The following PIKFYVE variants were observed in gnomAD, a reference collection of about 807,000 sequenced individuals.
PIKFYVE encodes 1-phosphatidylinositol 3-phosphate 5-kinase.
PIKFYVE carries 122 observed loss-of-function variants against 257.9 expected under a neutral mutation model. That is an observed-to-expected ratio of 0.47 (90% CI 0.41 to 0.55). The LOEUF (loss-of-function observed/expected upper bound fraction) is 0.55. Ranked by LOEUF, PIKFYVE falls within the 20% of genes least tolerant of loss-of-function variation. The pLI, the probability that PIKFYVE is intolerant of heterozygous loss-of-function variation, is 0.00. For missense variants in PIKFYVE, 2,160 were observed against 2,536.6 expected (o/e 0.85, Z 3.19); for synonymous variants, 892 against 868.9 (o/e 1.03, Z -0.47).
chr2:208,340,103 A>G lies in PIKFYVE; in HGVS notation c.4903A>G (p.Asn1635Asp). The G allele has an allele frequency of 6.2e-7, 1 of 1,614,008 alleles. No individual in the cohort carries two copies. The highest frequency in any genetic ancestry group is 8.5e-7 in the Non-Finnish European group (1 of 1,179,902). Residue 1635 changes from asparagine to aspartate, a missense_variant, in exon 31 of 42, where the codon AAT (asparagine) becomes GAT (aspartate). This residue lies in a region of PIKFYVE where 699 missense variants were observed against 855.8 expected (regional missense o/e 0.82). Coordinates refer to ENST00000264380, the MANE Select transcript of PIKFYVE (RefSeq NM_015040.4). The part of the protein sequence containing the change: ...KAIFANLLPG[N>D]SYNPIPFPFD... ...CATCTTTGCAAATTTGCTTCCAGGAAATAGCTATAATCCTATTCCATTTCC... is the reference window on the plus strand; with the variant it reads ...CATCTTTGCAAATTTGCTTCCAGGAGATAGCTATAATCCTATTCCATTTCC...
rs776823209 is a variant in PIKFYVE at position 208,339,401 on chromosome 2, A to T, written c.4673-17A>T. The T allele has an allele frequency of 1.2e-6, 2 of 1,613,636 alleles. No homozygotes were observed. The highest frequency in any genetic ancestry group is 2.2e-5 in the South Asian group (2 of 91,060). On this transcript the variant is annotated splice_polypyrimidine_tract_variant and intron_variant, in intron 29 of 41. Coordinates refer to ENST00000264380, the MANE Select transcript of PIKFYVE (RefSeq NM_015040.4). ...AATGTATGTAAATGACTCATTTAAG[A>T]TTGTGTTTTTCTTTAGAGGATCGCT... is the stretch of plus-strand genomic sequence containing the variant.
chr2:208,334,905 T>C (rs1040505254), intron 24 of PIKFYVE, among the ~76,000 whole-genome samples: 4 of 152,098 alleles, frequency 2.6e-5, no homozygotes, highest in African/African-American at 9.7e-5. Context: ...CATTTATTAG[T>C]CGATATAAAC....
At chr2:208,305,635 T>C (rs1406353985) in intron 12 of PIKFYVE, 1 of 358,928 alleles carries the variant, frequency 2.8e-6, no homozygotes, top group African/African-American at 2.2e-5. Flanking sequence ...AGATATTTGG[T>C]GTAAAAGGAG....
chr2:208,315,525 A>T, intron 15 of PIKFYVE, 152 bp downstream of exon 15: 1 of 738,430 alleles, frequency 1.4e-6, no homozygotes, highest in Non-Finnish European at 2.3e-6. Context: ...TTAGCAGCGC[A>T]CTTAGGAGTC....
chr2:208,313,673 C>T (rs1695172166), intron 13 of PIKFYVE, among the ~76,000 whole-genome samples: 1 of 151,222 alleles, frequency 6.6e-6, no homozygotes, highest in Non-Finnish European at 1.5e-5. Flanking sequence ...ATCTCTGCCT[C>T]CTAGGTTCAA....
At position 208,301,640 on chromosome 2, in the gene PIKFYVE, C is replaced by T. The variant is rs1184141670; in HGVS notation, c.1208+546C>T. On this transcript the variant is annotated intron_variant, in intron 9 of 41. Coordinates refer to ENST00000264380, the MANE Select transcript of PIKFYVE (RefSeq NM_015040.4). The stretch of plus-strand genomic sequence containing the variant: ...GAGAAATAGCTTTAAGCAGTAAAGC[C>T]CTGGTTGCAATTTTGGCTGTATATA... Among the ~76,000 whole-genome samples the T allele has an allele frequency of 2.6e-5, 4 of 152,200 alleles. No individual in the cohort carries two copies. In the East Asian group the frequency reaches 7.7e-4, roughly 29 times the overall value.
In PIKFYVE at chr2:208,314,374, G is replaced by C; in HGVS notation, c.1777G>C (p.Glu593Gln). ...TPLGWHHNNLELLREENGEKQ... is the reference protein window; with the variant it reads ...TPLGWHHNNLQLLREENGEKQ... ...TTTGGGCTGGCATCATAACAACCTG[G>C]AGCTCCTGAGGGAGGAGAATGGGGA... Residue 593 changes from glutamate to glutamine, a missense_variant, in exon 14 of 42, where the codon GAG (glutamate) becomes CAG (glutamine). By Grantham distance (29) the Glu-to-Gln change is conservative. Coordinates refer to ENST00000264380, the MANE Select transcript of PIKFYVE (RefSeq NM_015040.4). 1 of 1,613,990 alleles carries C rather than the reference G, an allele frequency of 6.2e-7. No individual in the cohort carries two copies. Among genetic ancestry groups the C allele is most frequent in the Non-Finnish European group, 8.5e-7 (1 of 1,179,926 alleles).
chr2:208,355,153 A>G (rs374219903), intron 41 of PIKFYVE, 37 bp from the exon 42 acceptor site: 42 of 1,514,430 alleles, frequency 2.8e-5, no homozygotes, highest in Middle Eastern at 3.4e-4. Context: ...TCAATTATAT[A>G]ACAGCTTTTT....
Position 208,324,257 on chromosome 2 carries a change from T to C in PIKFYVE, c.2306T>C (p.Ile769Thr). 6.2e-7 allele frequency: 1 copy of C among 1,614,042 alleles called. No individual in the cohort carries two copies. The highest frequency in any genetic ancestry group is 1.7e-5 in the Admixed American group (1 of 60,026). Residue 769 changes from isoleucine to threonine, a missense_variant, in exon 18 of 42, where the codon ATT becomes ACT. By Grantham distance (89) the Ile-to-Thr change is moderately conservative. Around this residue, in one of 12 missense-constraint regions of PIKFYVE, gnomAD observed 346 missense variants for 365.6 expected, o/e 0.95. Coordinates refer to ENST00000264380, the MANE Select transcript of PIKFYVE (RefSeq NM_015040.4). ...CAGGACATGTTATTGGAACATGGCA[T>C]TACTTTGGTCATTAATGTAAAGTCA... ...IAQDMLLEHGITLVINVKSQV... is the reference protein window; with the variant it reads ...IAQDMLLEHGTTLVINVKSQV...
Position 208,325,571 on chromosome 2 carries a change from G to A in PIKFYVE, c.2760G>A (p.Glu920=). The change falls in exon 20 of 42, where the codon GAG becomes GAA. Residue 920 remains glutamate (E), a synonymous_variant. Coordinates refer to ENST00000264380, the MANE Select transcript of PIKFYVE (RefSeq NM_015040.4). Reference sequence around the variant, plus strand: ...CCTGGGATCCTGACATCCCTCCTGAGTCTCTGCCCTGTGATGATAGCAGTT... The same window carrying A: ...CCTGGGATCCTGACATCCCTCCTGAATCTCTGCCCTGTGATGATAGCAGTT... ...SIPWDPDIPP[E]SLPCDDSSLL... is the part of the protein sequence containing the mutation. 8 of 1,614,114 alleles carry A rather than the reference G, an allele frequency of 5.0e-6. No homozygotes were observed. The South Asian group carries it at 6.6e-5, about 13-fold the overall frequency.
intron 7 of PIKFYVE, among the ~76,000 whole-genome samples, chr2:208,296,715 G>T (rs1334969497): frequency 6.6e-6 from 1 of 152,194 alleles, no homozygotes; most frequent in Non-Finnish European, 1.5e-5. Context: ...GGAGAGGCCA[G>T]TGAGGGGACA....
intron 12 of PIKFYVE, among the ~76,000 whole-genome samples, chr2:208,307,400 T>C (rs575545117): frequency 5.3e-4 from 80 of 152,252 alleles, no homozygotes; most frequent in Middle Eastern, 3.4e-3. Context: ...GTTCAGGATA[T>C]TGAAGAGATA....
chr2:208,312,773 G>GAAAAGAAAAGT (rs111622890), intron 13 of PIKFYVE, among the ~76,000 whole-genome samples: 1 of 152,058 alleles, frequency 6.6e-6, no homozygotes, highest in African/African-American at 2.4e-5. Context: ...CACAAAAGGA[G>GAAAAGAAAAGT]ATTAGCCTTC....
At chr2:208,311,165 CAT>C (rs1242774316) in intron 12 of PIKFYVE, among the ~76,000 whole-genome samples, 10 of 151,974 alleles carry the variant, frequency 6.6e-5, no homozygotes, top group African/African-American at 2.4e-4. Flanking sequence ...TCTGGAGTCT[CAT>C]ATAGATACAA....
intron 7 of PIKFYVE, among the ~76,000 whole-genome samples, chr2:208,294,607 C>T (rs1351453358): frequency 6.6e-6 from 1 of 151,992 alleles, no homozygotes; most frequent in Admixed American, 6.6e-5. Context: ...AGCCTGTGCC[C>T]CTGAACTGTA....
intron 20 of PIKFYVE, among the ~76,000 whole-genome samples, chr2:208,326,899 C>A (rs763810039): frequency 6.6e-5 from 10 of 152,044 alleles, no homozygotes; most frequent in Non-Finnish European, 1.2e-4. Flanking sequence ...TTAACTATGA[C>A]AGTGATCTTT....
intron 8 of PIKFYVE, among the ~76,000 whole-genome samples, chr2:208,300,451 G>T (rs1273607850): frequency 6.6e-6 from 1 of 152,184 alleles, no homozygotes; most frequent in Non-Finnish European, 1.5e-5. Context: ...TGTACTTACA[G>T]GTGTAGATTT....
rs1405173699 is a variant in PIKFYVE at position 208,326,090 on chromosome 2, A to T, written c.3279A>T (p.Lys1093Asn). The T allele has an allele frequency of 1.2e-6, 2 of 1,614,174 alleles. No homozygotes were observed. Among genetic ancestry groups the T allele is most frequent in the Admixed American group, 1.7e-5 (1 of 60,012 alleles). ...TTTACTGGTCTCCTCTCCTCAATAAAGAATTCAAAGAAATGGAGAACAGGA... is the reference window on the plus strand; with the variant it reads ...TTTACTGGTCTCCTCTCCTCAATAATGAATTCAAAGAAATGGAGAACAGGA... ...EQVYWSPLLNKEFKEMENRRK... is the reference protein window; with the variant it reads ...EQVYWSPLLNNEFKEMENRRK... The change falls in exon 20 of 42, where the codon AAA (lysine) becomes AAT (asparagine). Residue 1093 changes from lysine (K) to asparagine (N), a missense_variant. By Grantham distance (94) the Lys-to-Asn change is moderately conservative. Around this residue, in one of 12 missense-constraint regions of PIKFYVE, gnomAD observed 522 missense variants for 514.6 expected, o/e 1.01. Transcript: ENST00000264380.
At chr2:208,341,097 T>G (rs1254183749) in intron 31 of PIKFYVE, among the ~76,000 whole-genome samples, 1 of 152,084 alleles carries the variant, frequency 6.6e-6, no homozygotes, top group Non-Finnish European at 1.5e-5. Context: ...AACCTCTGCC[T>G]CCTAGATTCA....
Sources: allele counts gnomAD v4.1 joint callset (sites outside exome capture counted in the v4.1 genomes callset), GRCh38; gene constraint gnomAD v4.1.1; regional missense constraint gnomAD v4.1.1; transcripts MANE v1.5; gene names NCBI Gene and HGNC (gene_info 2026-07-23, HGNC 2026-07-21).